Variants in HDAC4 observed in about 807,000 individuals in gnomAD.
HDAC4 encodes the protein histone deacetylase 4.
HDAC4 carries 16 observed loss-of-function variants against 135.1 expected under a neutral mutation model. That is an observed-to-expected ratio of 0.12 (90% CI 0.08 to 0.18). HDAC4 has a LOEUF of 0.18. Ranked by LOEUF, HDAC4 falls within the 10% of genes least tolerant of loss-of-function variation. The pLI is 1.00. For missense variants in HDAC4, 1,143 were observed against 1,511.8 expected (o/e 0.76, Z 4.05); for synonymous variants, 685 against 653.4 (o/e 1.05, Z -0.74).
intron 2 of HDAC4, among the ~76,000 whole-genome samples, chr2:239,330,712 T>C (rs144567112): frequency 3.6e-4 from 55 of 152,380 alleles, no homozygotes; most frequent in African/African-American, 1.2e-3. Flanking sequence ...CCTGGCCTTC[T>C]ACAGGGAGAA....
intron 2 of HDAC4, among the ~76,000 whole-genome samples, chr2:239,295,028 C>T (rs2051777969): frequency 6.6e-6 from 1 of 152,078 alleles, no homozygotes; most frequent in Admixed American, 6.5e-5. Context: ...TGATTATAGG[C>T]CGGGCGCGGT....
intron 1 of HDAC4, among the ~76,000 whole-genome samples, chr2:239,375,046 C>A (rs1202026502): frequency 6.6e-6 from 1 of 152,192 alleles, no homozygotes; most frequent in African/African-American, 2.4e-5. Context: ...TCAGGAGTTG[C>A]CTGCTGCGGG....
rs116703727 is a variant in HDAC4, at chr2:239,197,660, T to C, written c.95-7583A>G. 4.6e-3 allele frequency among the ~76,000 whole-genome samples: 700 copies of C among 152,364 alleles called. 4 individuals are homozygous for C. Among genetic ancestry groups the C allele is most frequent in the African/African-American group, 0.016 (681 of 41,582 alleles). On this transcript the variant is annotated intron_variant, in intron 3 of 26. Transcript: ENST00000543185. ...TTCATGTGTGATTTCCTTAAATGTA[T>C]ATTCTAACCTTTTAAATGAGGTTTC...
intron 7 of HDAC4, chr2:239,154,627 T>C (rs911399931): frequency 6.6e-6 from 1 of 152,056 alleles, no homozygotes; most frequent in Non-Finnish European, 1.5e-5. Flanking sequence ...CCGCGGACTT[T>C]GGTTTTGTTG....
intron 12 of HDAC4, among the ~76,000 whole-genome samples, chr2:239,124,842 C>T (rs557746525): frequency 3.1e-4 from 41 of 134,108 alleles, no homozygotes; most frequent in African/African-American, 1.1e-3. Context: ...GGCGTGCGGC[C>T]GCGTTATATG....
At chr2:239,276,961 T>G (rs1049581661) in intron 2 of HDAC4, among the ~76,000 whole-genome samples, 10 of 151,286 alleles carry the variant, frequency 6.6e-5, no homozygotes, top group Admixed American at 5.3e-4. Flanking sequence ...GGGAACACCA[T>G]TCGAGAGTCA....
intron 1 of HDAC4, among the ~76,000 whole-genome samples, chr2:239,374,398 T>TGC: frequency 2.0e-5 from 1 of 48,818 alleles, no homozygotes; most frequent in African/African-American, 1.1e-4. Flanking sequence ...TTTTTTTTTT[T>TGC]TTTTTTTTTT....
chr2:239,296,763 C>A (rs1193992629), intron 2 of HDAC4, among the ~76,000 whole-genome samples: 1 of 152,080 alleles, frequency 6.6e-6, no homozygotes. Context: ...GTCAAGGGAG[C>A]ATGGGAACCA....
intron 2 of HDAC4, among the ~76,000 whole-genome samples, chr2:239,270,460 G>A (rs1181848402): frequency 6.6e-6 from 1 of 152,116 alleles, no homozygotes; most frequent in Non-Finnish European, 1.5e-5. Flanking sequence ...AGAAAAGGAA[G>A]ACTTTAAAAT....
intron 2 of HDAC4, among the ~76,000 whole-genome samples, chr2:239,284,737 CA>C: frequency 6.6e-6 from 1 of 152,256 alleles, no homozygotes; most frequent in South Asian, 2.1e-4. Context: ...GCCCCAGAGC[CA>C]GAGGCCCTTC....
chr2:239,301,032 C>T (rs2052224061), intron 2 of HDAC4, among the ~76,000 whole-genome samples: 1 of 152,228 alleles, frequency 6.6e-6, no homozygotes, highest in Non-Finnish European at 1.5e-5. Flanking sequence ...GCTCCAAGAG[C>T]ACTGCTCATT....
intron 2 of HDAC4, among the ~76,000 whole-genome samples, chr2:239,242,106 A>AGG (rs1239727080): frequency 2.1e-5 from 3 of 144,890 alleles, no homozygotes; most frequent in African/African-American, 8.4e-5. Context: ...AGGAAGGAGA[A>AGG]AAAAAGAAAG....
At position 239,134,422 on chromosome 2, in the gene HDAC4, C is replaced by G; in HGVS notation, c.1117G>C (p.Ala373Pro). The change falls in exon 11 of 27, where the codon GCC becomes CCC. Residue 373 changes from alanine to proline, a missense_variant. Physicochemically the swap from Ala to Pro is conservative, Grantham distance 27. Around this residue, in one of 9 missense-constraint regions of HDAC4, gnomAD observed 272 missense variants for 309.7 expected, o/e 0.88. Coordinates refer to ENST00000543185, the MANE Select transcript of HDAC4 (RefSeq NM_001378414.1). The stretch of plus-strand genomic sequence containing the variant: ...AGGGCGGGAAGGGTGAGTCTCTCGG[C>G]GTCCTGCTGGCCCGCCGTGCCCTGG... ...PSAGTAGQQD[A>P]ERLTLPALQQ... 6.2e-7 allele frequency: 1 copy of G among 1,613,170 alleles called. No homozygotes were observed. The highest frequency in any genetic ancestry group is 1.1e-5 in the South Asian group (1 of 90,990).
At chr2:239,195,679 T>G (rs2045334211) in intron 3 of HDAC4, among the ~76,000 whole-genome samples, 1 of 152,220 alleles carries the variant, frequency 6.6e-6, no homozygotes, top group Non-Finnish European at 1.5e-5. Flanking sequence ...CCTTAAAGAA[T>G]GCAGCATCAA....
rs983028885 is a variant in HDAC4 at position 239,146,052 on chromosome 2, C to A, written c.734-1338G>T. ...CTCTGCAGGGAGCGAGGCCTCTGTGCTGTGGCACGGGGGACCTGGATGACG... is the reference window on the plus strand; with the variant it reads ...CTCTGCAGGGAGCGAGGCCTCTGTGATGTGGCACGGGGGACCTGGATGACG... On this transcript the variant is annotated intron_variant, in intron 7 of 26. Coordinates refer to ENST00000543185, the MANE Select transcript of HDAC4 (RefSeq NM_001378414.1). The surrounding 1 kb of genome is among the most constrained non-coding windows in gnomAD (Gnocchi z 4.5). Among the ~76,000 whole-genome samples the A allele has an allele frequency of 2.2e-4, 33 of 152,288 alleles. 1 individual carries two copies. Among genetic ancestry groups the A allele is most frequent in the Middle Eastern group, 3.4e-3 (1 of 294 alleles).
chr2:239,181,093 GAGC>G (rs1227205590), intron 4 of HDAC4, among the ~76,000 whole-genome samples: 1 of 152,264 alleles, frequency 6.6e-6, no homozygotes, highest in Non-Finnish European at 1.5e-5. Flanking sequence ...GCAGCAGAGA[GAGC>G]AGATCAGCAT....
intron 2 of HDAC4, among the ~76,000 whole-genome samples, chr2:239,322,655 C>A (rs1308801688): frequency 6.6e-6 from 1 of 152,220 alleles, no homozygotes; most frequent in Non-Finnish European, 1.5e-5. Context: ...AGCAGCCTGG[C>A]ATGTAGCAGA....
At chr2:239,101,642 A>G (rs2037644108) in intron 16 of HDAC4, among the ~76,000 whole-genome samples, 1 of 152,188 alleles carries the variant, frequency 6.6e-6, no homozygotes, top group Non-Finnish European at 1.5e-5. Flanking sequence ...ATGGGGAAGA[A>G]AACCAGTGGG....
chr2:239,259,581 T>C (rs148984193), intron 2 of HDAC4, among the ~76,000 whole-genome samples: 4 of 152,290 alleles, frequency 2.6e-5, no homozygotes, highest in South Asian at 2.1e-4. Context: ...TAGAGGAAAA[T>C]GGCCTTAAAA....
Sources: gnomAD v4.1 joint callset for allele counts (sites outside exome capture counted in the v4.1 genomes callset) on GRCh38, gnomAD v4.1.1 for gene constraint, gnomAD v4.1.1 regional missense constraint, Gnocchi (gnomAD v3.1) non-coding constraint, MANE v1.5 for transcripts, NCBI Gene and HGNC (gene_info 2026-07-23, HGNC 2026-07-21) for gene names.